Variants in SORCS2 observed in about 807,000 individuals in gnomAD.
The protein encoded by SORCS2 is sortilin related VPS10 domain containing receptor 2.
SORCS2 carries 100 observed loss-of-function variants against 141.6 expected under a neutral mutation model. That is an observed-to-expected ratio of 0.71 (90% CI 0.60 to 0.83). The LOEUF is 0.83. Among genes scored for constraint, SORCS2 ranks in the 40% least tolerant of loss-of-function variants. SORCS2 has a pLI of 0.00. For missense variants in SORCS2, 1,646 were observed against 1,560.2 expected (o/e 1.05, Z -0.93); for synonymous variants, 789 against 676.9 (o/e 1.17, Z -2.57).
chr4:7,691,089 C>T (rs373826522), intron 11 of SORCS2, among the ~76,000 whole-genome samples: 45 of 152,332 alleles, frequency 3.0e-4, no homozygotes, highest in African/African-American at 1.0e-3. Flanking sequence ...GAGGCACAGG[C>T]CCAGAGTTCA....
intron 3 of SORCS2, among the ~76,000 whole-genome samples, chr4:7,549,076 GC>G (rs1399567449): frequency 1.3e-5 from 2 of 152,108 alleles, no homozygotes; most frequent in African/African-American, 4.8e-5. Context: ...GGTTCTCCAA[GC>G]CTGGGGAGGG....
intron 1 of SORCS2, among the ~76,000 whole-genome samples, chr4:7,334,045 C>T (rs1719830024): frequency 6.6e-6 from 1 of 152,174 alleles, no homozygotes; most frequent in South Asian, 2.1e-4. Flanking sequence ...CTTCCTGAGG[C>T]TCCGCGTCAA....
intron 1 of SORCS2, among the ~76,000 whole-genome samples, chr4:7,346,981 A>G (rs1193627247): frequency 6.6e-6 from 1 of 152,236 alleles, no homozygotes; most frequent in Non-Finnish European, 1.5e-5. Flanking sequence ...ATACATACAT[A>G]GTAGTAGGTG....
chr4:7,396,370 T>C lies in SORCS2; in HGVS notation c.548+15T>C. ...TCTCTGTGGCGGTAAGTCAGCCCGA[T>C]GGCAGGCCTTTCTCTTATGCACCTG... On this transcript the variant is annotated intron_variant, in intron 2 of 26. Transcript: ENST00000507866. The C allele has an allele frequency of 2.5e-6, 4 of 1,613,616 alleles. No individual in the cohort carries two copies. Among genetic ancestry groups the C allele is most frequent in the Non-Finnish European group, 3.4e-6 (4 of 1,179,732 alleles).
chr4:7,390,206 T>C (rs892260899), intron 1 of SORCS2, among the ~76,000 whole-genome samples: 8 of 152,248 alleles, frequency 5.3e-5, no homozygotes, highest in Admixed American at 5.2e-4. Flanking sequence ...CACTAAGTTC[T>C]TGCAGTCTTT....
chr4:7,708,310 T>C (rs938253305), intron 14 of SORCS2, among the ~76,000 whole-genome samples: 1 of 152,172 alleles, frequency 6.6e-6, no homozygotes, highest in African/African-American at 2.4e-5. Context: ...CCGGCTGGCC[T>C]TCCCAGGCCA....
At chr4:7,255,068 A>C (rs1442084914) in intron 1 of SORCS2, among the ~76,000 whole-genome samples, 2 of 151,822 alleles carry the variant, frequency 1.3e-5, no homozygotes, top group Non-Finnish European at 2.9e-5. Context: ...CGTGCGTGAG[A>C]GAGTGTGACA....
At chr4:7,655,236 C>G (rs1721688773) in intron 5 of SORCS2, among the ~76,000 whole-genome samples, 1 of 151,978 alleles carries the variant, frequency 6.6e-6, no homozygotes, top group African/African-American at 2.4e-5. Context: ...CAGTGCTAGC[C>G]TTTCTCTTTC....
At chr4:7,609,183 T>TTTG (rs10645088) in intron 3 of SORCS2, among the ~76,000 whole-genome samples, 5,469 of 152,104 alleles carry the variant, frequency 0.036, 337 homozygotes, top group African/African-American at 0.12. Context: ...TGAACTTGGT[T>TTTG]TTGTTGTTGT....
chr4:7,451,329 C>T (rs971987533), intron 2 of SORCS2, among the ~76,000 whole-genome samples: 17 of 152,380 alleles, frequency 1.1e-4, no homozygotes, highest in East Asian at 1.9e-4. Context: ...GCCCCTGCCA[C>T]ACCCCAGCTG....
intron 7 of SORCS2, among the ~76,000 whole-genome samples, chr4:7,665,021 G>A (rs766980502): frequency 2.6e-5 from 4 of 152,210 alleles, no homozygotes; most frequent in Non-Finnish European, 5.9e-5. Context: ...CTGCTGAGTA[G>A]CCCGTCACTG....
At chr4:7,573,372 T>A (rs1715521174) in intron 3 of SORCS2, among the ~76,000 whole-genome samples, 1 of 152,206 alleles carries the variant, frequency 6.6e-6, no homozygotes, top group African/African-American at 2.4e-5. Flanking sequence ...TCGGTTACTG[T>A]GTGGCAATGC....
chr4:7,704,001 G>A (rs1027638398), intron 13 of SORCS2, among the ~76,000 whole-genome samples, 176 bp from the exon 14 acceptor site: 1 of 152,238 alleles, frequency 6.6e-6, no homozygotes, highest in African/African-American at 2.4e-5. Context: ...ATAAGCAGAT[G>A]TAACATAAGC....
In SORCS2 at chr4:7,636,147, T is replaced by C. The variant is rs529818518; in HGVS notation, c.649-2181T>C. Among the ~76,000 whole-genome samples, 224 of 152,334 alleles carry C rather than the reference T, an allele frequency of 1.5e-3. 2 individuals are homozygous for C. The highest frequency in any genetic ancestry group is 5.3e-3 in the African/African-American group (220 of 41,586). On this transcript the variant is annotated intron_variant, in intron 3 of 26. Transcript: ENST00000507866. ...AGCCCCACGCGAGGCCCAGCTTAAATGCCCCATTCTGCGTAGGCGCACCCT... is the reference window on the plus strand; with the variant it reads ...AGCCCCACGCGAGGCCCAGCTTAAACGCCCCATTCTGCGTAGGCGCACCCT...
intron 1 of SORCS2, among the ~76,000 whole-genome samples, chr4:7,307,175 A>T (rs1317101375): frequency 1.3e-5 from 2 of 152,066 alleles, no homozygotes; most frequent in Non-Finnish European, 1.5e-5. Context: ...CGGCCCTCAC[A>T]TTCTCTTCCC....
intron 2 of SORCS2, among the ~76,000 whole-genome samples, chr4:7,443,643 G>A (rs993918360): frequency 2.6e-5 from 4 of 152,194 alleles, no homozygotes; most frequent in Admixed American, 1.3e-4. Flanking sequence ...CATAAGGACC[G>A]GAGACCACAG....
At chr4:7,580,075 G>A (rs1205107261) in intron 3 of SORCS2, among the ~76,000 whole-genome samples, 1 of 152,200 alleles carries the variant, frequency 6.6e-6, no homozygotes, top group Non-Finnish European at 1.5e-5. Context: ...AGCAATCACT[G>A]TACAGGCTAT....
intron 3 of SORCS2, among the ~76,000 whole-genome samples, chr4:7,538,715 T>C (rs1712330634): frequency 6.6e-6 from 1 of 152,110 alleles, no homozygotes; most frequent in South Asian, 2.1e-4. Context: ...TGACCCCAGA[T>C]ATGAGAAGCA....
In SORCS2 at chr4:7,422,152, C is replaced by T. The variant is rs7694875; in HGVS notation, c.548+25797C>T. Among the ~76,000 whole-genome samples, 429 of 152,338 alleles carry T rather than the reference C, an allele frequency of 2.8e-3. 4 individuals carry two copies. The highest frequency in any genetic ancestry group is 9.6e-3 in the African/African-American group (401 of 41,570). ...ACCCACCTAACGTGGTCAGACACGC[C>T]ACCTGGGTTCAGCATGTCAGAACCT... is the stretch of plus-strand genomic sequence containing the variant. On this transcript the variant is annotated intron_variant, in intron 2 of 26. Transcript: ENST00000507866.
Sources: gnomAD v4.1 joint callset for allele counts (sites outside exome capture counted in the v4.1 genomes callset) on GRCh38, gnomAD v4.1.1 for gene constraint, MANE v1.5 for transcripts, NCBI Gene and HGNC (gene_info 2026-07-23, HGNC 2026-07-21) for gene names.